The following GLRA2 variants were observed in gnomAD, a reference collection of about 807,000 sequenced individuals.
The protein encoded by GLRA2 is glycine receptor alpha 2.
GLRA2 carries 11 observed loss-of-function variants against 31.6 expected under a neutral mutation model. That is an observed-to-expected ratio of 0.35 (90% confidence interval 0.22 to 0.58). The LOEUF is 0.58. GLRA2 is among the 20% of genes least tolerant of loss of function. GLRA2 has a pLI of 0.84. For synonymous variants in GLRA2, 132 were observed against 134.0 expected (o/e 0.99, Z 0.10); for missense variants, 212 against 351.8 (o/e 0.60, Z 3.18).
At chrX:14,466,182 G>A in the GLRA2 span, among the ~76,000 whole-genome samples, 1 of 111,379 alleles carries the variant, frequency 9.0e-6, no homozygotes, top group Non-Finnish European at 1.9e-5. Context: ...GCAGATTTGA[G>A]GATGCATTGA....
chrX:14,528,392 GT>G (rs913354833), upstream of GLRA2, among the ~76,000 whole-genome samples: 35 of 111,777 alleles, frequency 3.1e-4, no homozygotes, highest in African/African-American at 1.0e-3. Flanking sequence ...ATATTATTTT[GT>G]TTTAAAATTA....
chrX:14,517,116 C>A, the GLRA2 span, among the ~76,000 whole-genome samples: 2 of 112,166 alleles, frequency 1.8e-5, no homozygotes, highest in East Asian at 5.6e-4. Flanking sequence ...TATCTCTTTG[C>A]AAATCTGTAG....
intron 4 of GLRA2, among the ~76,000 whole-genome samples, chrX:14,597,822 A>G (rs1004118546): frequency 8.9e-6 from 1 of 111,899 alleles, no homozygotes; most frequent in Non-Finnish European, 1.9e-5. Context: ...TAGTGGTTTT[A>G]TGACTTTGGG....
chrX:14,584,452 T>C (rs1880405539), intron 4 of GLRA2, among the ~76,000 whole-genome samples: 1 of 111,763 alleles, frequency 8.9e-6, no homozygotes, highest in Non-Finnish European at 1.9e-5. Flanking sequence ...TTTCCAAGTC[T>C]GCAGACTCAC....
rs73635050 is a variant in GLRA2, at chrX:14,730,890, A to T, written c.*405A>T. 1,454 of 123,260 alleles carry T rather than the reference A, an allele frequency of 0.012. 34 individuals are homozygous for T. Among genetic ancestry groups the T allele is most frequent in the African/African-American group, 0.062 (1,372 of 22,046 alleles). The allele number at this position is 123,260 out of a possible 1,213,427, so 10.2% of individuals were successfully genotyped here. A position where few individuals can be genotyped will look rare whatever the true frequency, so the allele number is the denominator to read the frequency against. ...TAATTCTGGTACTGAAAAGTTAGCT[A>T]TACACACACACACACACACACACAC... On this transcript the variant is annotated 3_prime_UTR_variant, in exon 9 of 9. Coordinates refer to ENST00000218075, the MANE Select transcript of GLRA2 (RefSeq NM_002063.4).
chrX:14,490,651 A>C, the GLRA2 span, among the ~76,000 whole-genome samples: 7 of 111,994 alleles, frequency 6.3e-5, no homozygotes, highest in Admixed American at 6.6e-4. Flanking sequence ...GGTGAATCAG[A>C]GAATCTTCAT....
At chrX:14,484,064 T>C in the GLRA2 span, among the ~76,000 whole-genome samples, 1 of 111,658 alleles carries the variant, frequency 9.0e-6, no homozygotes, top group Non-Finnish European at 1.9e-5. Flanking sequence ...TGGGACCTTG[T>C]GATCATGTGA....
intron 2 of GLRA2, among the ~76,000 whole-genome samples, chrX:14,554,509 C>T (rs1172620751): frequency 9.0e-6 from 1 of 111,595 alleles, no homozygotes; most frequent in East Asian, 2.8e-4. Context: ...TGGCCTTGAA[C>T]AGGATTTAGG....
chrX:14,569,892 CA>C (rs2147052576), intron 2 of GLRA2, among the ~76,000 whole-genome samples: 1 of 112,434 alleles, frequency 8.9e-6, no homozygotes, highest in African/African-American at 3.2e-5. Context: ...TTTATACATA[CA>C]TACAATGGAA....
intron 7 of GLRA2, among the ~76,000 whole-genome samples, chrX:14,668,643 A>G (rs1446969135): frequency 8.9e-6 from 1 of 112,386 alleles, no homozygotes; most frequent in Non-Finnish European, 1.9e-5. Flanking sequence ...ACATGGCAGC[A>G]GACAAGAGAA....
chrX:14,680,195 T>C (rs1265871906), intron 7 of GLRA2, among the ~76,000 whole-genome samples: 1 of 112,407 alleles, frequency 8.9e-6, no homozygotes, highest in African/African-American at 3.2e-5. Flanking sequence ...ATGTGAATGA[T>C]ACTTTCTAGA....
intron 7 of GLRA2, among the ~76,000 whole-genome samples, chrX:14,617,931 A>G (rs1340908766): frequency 8.9e-6 from 1 of 112,210 alleles, no homozygotes; most frequent in Non-Finnish European, 1.9e-5. Context: ...CAGCACCTGA[A>G]CTAAATTTTT....
chrX:14,645,144 T>C lies in GLRA2; in HGVS notation c.930+35939T>C, dbSNP rs149401764. On this transcript the variant is annotated intron_variant, in intron 7 of 8. Transcript: ENST00000218075. ...ACTTCCATGATCCATATTAATAGCA[T>C]AGGTAGGTAAAGATGAACAGAAACT... 2.0e-3 allele frequency among the ~76,000 whole-genome samples: 226 copies of C among 111,707 alleles called. 1 individual carries two copies. Among genetic ancestry groups the C allele is most frequent in the African/African-American group, 7.0e-3 (216 of 30,749 alleles).
intron 8 of GLRA2, among the ~76,000 whole-genome samples, chrX:14,724,686 A>G (rs1189386830): frequency 9.2e-6 from 1 of 108,858 alleles, no homozygotes; most frequent in Non-Finnish European, 1.9e-5. Context: ...CAATAAATAA[A>G]TCCTGGAAGT....
At chrX:14,532,021 G>C (rs2089262001) in intron 1 of GLRA2, among the ~76,000 whole-genome samples, 1 of 111,599 alleles carries the variant, frequency 9.0e-6, no homozygotes, top group Admixed American at 9.5e-5. Flanking sequence ...TTGGAAACCT[G>C]GGTGACGCGA....
At chrX:14,461,973 G>T in the GLRA2 span, among the ~76,000 whole-genome samples, 34 of 112,132 alleles carry the variant, frequency 3.0e-4, no homozygotes, top group Non-Finnish European at 5.1e-4. Context: ...GCATGTTTTT[G>T]CAGTGGCTGG....
intron 2 of GLRA2, among the ~76,000 whole-genome samples, chrX:14,540,111 CTTACTA>C (rs965514994): frequency 6.3e-5 from 7 of 111,558 alleles, no homozygotes; most frequent in Admixed American, 9.5e-5. Flanking sequence ...AATGTCAGTT[CTTACTA>C]TTACTATCTC....
intron 2 of GLRA2, among the ~76,000 whole-genome samples, chrX:14,570,440 T>C (rs1396311095): frequency 8.9e-6 from 1 of 111,805 alleles, no homozygotes; most frequent in South Asian, 3.7e-4. Context: ...TTATGAAAGA[T>C]AGAAACAAAG....
At chrX:14,512,060 GTTGATGGAGAT>G in the GLRA2 span, among the ~76,000 whole-genome samples, 2 of 111,768 alleles carry the variant, frequency 1.8e-5, no homozygotes, top group Admixed American at 9.5e-5. Context: ...GAAAAGCACT[GTTGATGGAGAT>G]TCCACCCATT....
Sources: allele counts gnomAD v4.1 joint callset (sites outside exome capture counted in the v4.1 genomes callset), GRCh38; gene constraint gnomAD v4.1.1; transcripts MANE v1.5; gene names NCBI Gene and HGNC (gene_info 2026-07-23, HGNC 2026-07-21).